NECTIN3: variants seen among roughly 807,000 people sequenced by gnomAD.
NECTIN3 encodes the protein nectin cell adhesion molecule 3.
In NECTIN3, 8 loss-of-function variants were observed where a neutral mutation model predicts 49.4. The ratio of observed to expected loss-of-function variants is 0.16; its 90% CI spans 0.10 to 0.29. NECTIN3 has a LOEUF of 0.29. NECTIN3 is among the 10% of genes least tolerant of loss of function. The pLI is 1.00. For synonymous variants in NECTIN3, 277 were observed against 241.1 expected (o/e 1.15, Z -1.38); for missense variants, 581 against 654.6 (o/e 0.89, Z 1.23).
intron 5 of NECTIN3, among the ~76,000 whole-genome samples, chr3:111,128,574 C>T (rs933245664): frequency 1.4e-4 from 22 of 152,080 alleles, no homozygotes; most frequent in African/African-American, 4.1e-4. Flanking sequence ...TGATACCAAA[C>T]ATATTTCTGT....
intron 1 of NECTIN3, among the ~76,000 whole-genome samples, chr3:111,100,960 T>C (rs978903179): frequency 1.3e-5 from 2 of 152,104 alleles, no homozygotes; most frequent in Non-Finnish European, 2.9e-5. Flanking sequence ...TTTCTTTCTA[T>C]AAAACATTCA....
intron 5 of NECTIN3, among the ~76,000 whole-genome samples, chr3:111,129,946 A>C (rs1234306440): frequency 1.4e-5 from 2 of 148,140 alleles, no homozygotes; most frequent in Admixed American, 1.3e-4. Context: ...CACTGCGCCC[A>C]GCAGAGAATT....
chr3:111,109,473 G>C (rs1403255455), intron 1 of NECTIN3, among the ~76,000 whole-genome samples: 1 of 151,794 alleles, frequency 6.6e-6, no homozygotes, highest in Non-Finnish European at 1.5e-5. Flanking sequence ...CATATGTACA[G>C]GCAATAATTT....
chr3:111,071,979 G>A lies in NECTIN3; in HGVS notation c.-39G>A. The stretch of plus-strand genomic sequence containing the variant: ...TGAGGCGCCGGGGCCGGGGGAGCCG[G>A]GGGGCGGGCGGGCGAGCGGGCCGGG... On this transcript the variant is annotated 5_prime_UTR_variant, in exon 1 of 6. Coordinates refer to ENST00000485303, the MANE Select transcript of NECTIN3 (RefSeq NM_015480.3). The A allele has an allele frequency of 6.5e-6, 9 of 1,387,220 alleles. No individual in the cohort carries two copies. Among genetic ancestry groups the A allele is most frequent in the Non-Finnish European group, 7.5e-6 (8 of 1,062,626 alleles). The allele number at this position is 1,387,220 out of a possible 1,614,324, so 85.9% of individuals were successfully genotyped here.
At chr3:111,125,201 G>A (rs2034116110) in intron 4 of NECTIN3, among the ~76,000 whole-genome samples, 1 of 151,234 alleles carries the variant, frequency 6.6e-6, no homozygotes, top group African/African-American at 2.4e-5. Context: ...ACTAATTTTT[G>A]TATTTTTAGT....
At chr3:111,158,162 A>G (rs2035136129) in intron 7 of NECTIN3, among the ~76,000 whole-genome samples, 1 of 152,120 alleles carries the variant, frequency 6.6e-6, no homozygotes, top group African/African-American at 2.4e-5. Context: ...TAGATACTAG[A>G]AGCTTAAAAT....
chr3:111,176,231 T>C (rs1267938706), intron 7 of NECTIN3, among the ~76,000 whole-genome samples: 1 of 152,208 alleles, frequency 6.6e-6, no homozygotes, highest in African/African-American at 2.4e-5. Flanking sequence ...AGTGACACTG[T>C]AGGGTGCATT....
intron 5 of NECTIN3, among the ~76,000 whole-genome samples, chr3:111,131,169 C>T (rs1192586321): frequency 3.9e-5 from 6 of 151,906 alleles, no homozygotes; most frequent in East Asian, 1.9e-4. Context: ...ATGCCTTTTA[C>T]GGGGCATTAC....
At chr3:111,076,086 G>T (rs1157239725) in intron 1 of NECTIN3, among the ~76,000 whole-genome samples, 2 of 151,994 alleles carry the variant, frequency 1.3e-5, no homozygotes, top group African/African-American at 4.8e-5. Flanking sequence ...TGGAAAAGCT[G>T]GGCAATTGTG....
chr3:111,174,003 C>G (rs2035480328), intron 7 of NECTIN3, among the ~76,000 whole-genome samples: 1 of 152,144 alleles, frequency 6.6e-6, no homozygotes, highest in African/African-American at 2.4e-5. Context: ...AAGTTCTGCT[C>G]TCACTGTATT....
chr3:111,081,543 A>T (rs1322859568), intron 1 of NECTIN3, among the ~76,000 whole-genome samples: 1 of 152,220 alleles, frequency 6.6e-6, no homozygotes, highest in Non-Finnish European at 1.5e-5. Context: ...ATGAAATTAA[A>T]TTGCAATAAA....
chr3:111,134,727 A>C lies in NECTIN3; in HGVS notation c.*512A>C. On this transcript the variant is annotated 3_prime_UTR_variant, in exon 6 of 6. Coordinates refer to ENST00000485303, the MANE Select transcript of NECTIN3 (RefSeq NM_015480.3). ...ATACAAAAAATATTTAGCCTGATGG[A>C]ATGGCTTTCCTTTTCAAACATTATT... 1 of 904,280 alleles carries C rather than the reference A, an allele frequency of 1.1e-6. No individual in the cohort carries two copies. The highest frequency in any genetic ancestry group is 1.3e-6 in the Non-Finnish European group (1 of 756,302). 56.0% of individuals were successfully genotyped at this position (904,280 alleles called of 1,614,324 possible). A position where few individuals can be genotyped will look rare whatever the true frequency, so the allele number is the denominator to read the frequency against.
At chr3:111,172,428 T>C (rs895806463) in intron 7 of NECTIN3, among the ~76,000 whole-genome samples, 2 of 152,210 alleles carry the variant, frequency 1.3e-5, no homozygotes, top group African/African-American at 4.8e-5. Flanking sequence ...CCATCTACTT[T>C]TACACATTTA....
At chr3:111,110,371 A>G (rs897146932) in intron 1 of NECTIN3, among the ~76,000 whole-genome samples, 4 of 152,076 alleles carry the variant, frequency 2.6e-5, no homozygotes, top group Non-Finnish European at 5.9e-5. Context: ...TAAATCAGAT[A>G]GTAAATGGTA....
At chr3:111,072,493 C>T in intron 1 of NECTIN3, 7 of 1,535,896 alleles carry the variant, frequency 4.6e-6, no homozygotes, top group Non-Finnish European at 6.1e-6. Flanking sequence ...CTTCCTCGCT[C>T]ATTCTCTGGG....
chr3:111,146,503 A>G lies in NECTIN3; in HGVS notation c.1140-900A>G, dbSNP rs190579441. The stretch of plus-strand genomic sequence containing the variant: ...ATTCCCAGATTATCTTGGTTTTTCT[A>G]TAATTTCAAAAACAATTTACTGGTA... On this transcript the variant is annotated intron_variant, in intron 6 of 8. Coordinates refer to the NECTIN3 transcript ENST00000493615. Among the ~76,000 whole-genome samples, 23 of 151,670 alleles carry G rather than the reference A, an allele frequency of 1.5e-4. 1 individual carries two copies. Among genetic ancestry groups the G allele is most frequent in the Middle Eastern group, 3.5e-3 (1 of 288 alleles).
In NECTIN3 at chr3:111,136,675, GA is replaced by G. The variant is rs528825622; in HGVS notation, c.*2468del. Reference sequence around the variant, plus strand: ...GTATATATGAAAATTCTACTATCGTGAAAAAAAATGAATATTTGTACTATTT... The same window carrying G: ...GTATATATGAAAATTCTACTATCGTGAAAAAAATGAATATTTGTACTATTT... On this transcript the variant is annotated 3_prime_UTR_variant, in exon 6 of 6. Transcript: ENST00000485303. The G allele has an allele frequency of 1.6e-4, 148 of 909,184 alleles. No homozygotes were observed. Among genetic ancestry groups the G allele is most frequent in the African/African-American group, 3.1e-4 (17 of 55,184 alleles). The allele number at this position is 909,184 out of a possible 1,614,324, so 56.3% of individuals were successfully genotyped here.
rs140631212 is a variant in NECTIN3, at chr3:111,114,719, C to T, written c.502+2348C>T. On this transcript the variant is annotated intron_variant, in intron 2 of 5. Coordinates refer to ENST00000485303, the MANE Select transcript of NECTIN3 (RefSeq NM_015480.3). ...TTCTAGGATTGTGATAGTATGTGAA[C>T]GAAGGCAGGGAAAACAGAAAATGAT... Among the ~76,000 whole-genome samples, 95 of 152,018 alleles carry T rather than the reference C, an allele frequency of 6.2e-4. 1 individual carries two copies. Among genetic ancestry groups the T allele is most frequent in the Non-Finnish European group, 8.8e-4 (60 of 67,982 alleles).
chr3:111,128,170 T>C (rs1337332647), intron 5 of NECTIN3, among the ~76,000 whole-genome samples: 1 of 151,946 alleles, frequency 6.6e-6, no homozygotes, highest in East Asian at 1.9e-4. Flanking sequence ...AAAACCTGTC[T>C]CTACTAAAAA....
Sources: gnomAD v4.1 joint callset for allele counts (sites outside exome capture counted in the v4.1 genomes callset) on GRCh38, gnomAD v4.1.1 for gene constraint, MANE v1.5 for transcripts, NCBI Gene and HGNC (gene_info 2026-07-23, HGNC 2026-07-21) for gene names.